VOPP1: variants seen among roughly 807,000 people sequenced by gnomAD.
The protein encoded by VOPP1 is WW domain binding protein VOPP1.
VOPP1 carries 8 observed loss-of-function variants against 23.5 expected under a neutral mutation model. The ratio of observed to expected loss-of-function variants is 0.34; its 90% CI spans 0.20 to 0.61. VOPP1 has a LOEUF of 0.61. VOPP1 is among the 20% of genes least tolerant of loss of function. The pLI is 0.78. For synonymous variants in VOPP1, 83 were observed against 97.3 expected (o/e 0.85, Z 0.86); for missense variants, 174 against 238.1 (o/e 0.73, Z 1.77).
chr7:55,489,717 G>A lies in VOPP1; in HGVS notation c.328+2565C>T, dbSNP rs180933674. 1.5e-4 allele frequency among the ~76,000 whole-genome samples: 23 copies of A among 152,252 alleles called. No individual in the cohort carries two copies. In the East Asian group the frequency reaches 3.3e-3, roughly 22 times the overall value. Reference sequence around the variant, plus strand: ...TGTGACTGTAGTTGTGATGTATTCCGACCCTGGTTTACCAGGCTGCAAACC... The same window carrying A: ...TGTGACTGTAGTTGTGATGTATTCCAACCCTGGTTTACCAGGCTGCAAACC... On this transcript the variant is annotated intron_variant, in intron 4 of 4. Coordinates refer to ENST00000285279, the MANE Select transcript of VOPP1 (RefSeq NM_030796.5).
intron 2 of VOPP1, among the ~76,000 whole-genome samples, chr7:55,508,261 C>T (rs764516239): frequency 7.2e-5 from 11 of 152,070 alleles, no homozygotes; most frequent in Non-Finnish European, 1.2e-4. Context: ...TTGGTAACTA[C>T]GGAGTTTTTT....
chr7:55,469,817 T>C (rs1791729825), downstream of VOPP1, among the ~76,000 whole-genome samples: 1 of 152,202 alleles, frequency 6.6e-6, no homozygotes, highest in Non-Finnish European at 1.5e-5. Context: ...CTCCCAGGGA[T>C]GGACACAGTT....
intron 1 of VOPP1, among the ~76,000 whole-genome samples, chr7:55,534,535 T>C (rs1796671711): frequency 1.3e-5 from 2 of 152,204 alleles, no homozygotes; most frequent in South Asian, 4.1e-4. Context: ...GGTTTCTGCT[T>C]TTGAGCTCGC....
rs1422410711 is a variant in VOPP1, at chr7:55,484,005, C to T, written c.328+8277G>A. Among the ~76,000 whole-genome samples, 3 of 152,304 alleles carry T rather than the reference C, an allele frequency of 2.0e-5. No individual in the cohort carries two copies. The East Asian group carries it at 5.8e-4, about 29-fold the overall frequency. On this transcript the variant is annotated intron_variant, in intron 4 of 4. Coordinates refer to ENST00000285279, the MANE Select transcript of VOPP1 (RefSeq NM_030796.5). ...CTCCTGACCTCAGGTGATCCACCTG[C>T]CTCAGCCTCCCCAAAGTGCTGGGAT...
intron 1 of VOPP1, among the ~76,000 whole-genome samples, chr7:55,534,603 C>T (rs978323903): frequency 1.3e-5 from 2 of 152,230 alleles, no homozygotes; most frequent in African/African-American, 4.8e-5. Flanking sequence ...CTGTCAACAG[C>T]CACTCCTCCC....
chr7:55,473,404 C>A lies in VOPP1; in HGVS notation c.329-359G>T, dbSNP rs149263235. Reference sequence around the variant, plus strand: ...GCCTGGCATTATCGCAGGAGCTCCACAACCCCTCTGGGCACGCCATTGGCT... The same window carrying A: ...GCCTGGCATTATCGCAGGAGCTCCAAAACCCCTCTGGGCACGCCATTGGCT... On this transcript the variant is annotated intron_variant, in intron 4 of 4. Transcript: ENST00000285279. 6.4e-3 allele frequency among the ~76,000 whole-genome samples: 981 copies of A among 152,330 alleles called. 13 individuals are homozygous for A. Among genetic ancestry groups the A allele is most frequent in the African/African-American group, 0.021 (867 of 41,576 alleles).
At chr7:55,488,482 C>A (rs1277398664) in intron 4 of VOPP1, among the ~76,000 whole-genome samples, 5 of 152,258 alleles carry the variant, frequency 3.3e-5, no homozygotes, top group Admixed American at 3.3e-4. Context: ...ACTTTGCCAG[C>A]CCCTTTCCAC....
chr7:55,538,878 TG>T (rs1278236261), intron 1 of VOPP1, among the ~76,000 whole-genome samples: 1 of 151,230 alleles, frequency 6.6e-6, no homozygotes, highest in East Asian at 1.9e-4. Context: ...ATCCCATCTG[TG>T]TACTTTTAAC....
chr7:55,457,995 T>G (rs1302039874), intron 4 of VOPP1, among the ~76,000 whole-genome samples: 1 of 152,088 alleles, frequency 6.6e-6, no homozygotes, highest in Non-Finnish European at 1.5e-5. Context: ...AGCCACAAAA[T>G]TTTTGCCTTG....
At position 55,539,270 on chromosome 7, in the gene VOPP1, G is replaced by A. The variant is rs190851642; in HGVS notation, c.55-18140C>T. On this transcript the variant is annotated intron_variant, in intron 1 of 4. Coordinates refer to ENST00000285279, the MANE Select transcript of VOPP1 (RefSeq NM_030796.5). ...TGAGGCAGGAGAATCGCTTGGACCCGGGAGGCGGAGGTTGCAGTGAGCTAA... is the reference window on the plus strand; with the variant it reads ...TGAGGCAGGAGAATCGCTTGGACCCAGGAGGCGGAGGTTGCAGTGAGCTAA... 3.6e-3 allele frequency among the ~76,000 whole-genome samples: 543 copies of A among 152,224 alleles called. 2 individuals carry two copies. The highest frequency in any genetic ancestry group is 0.024 in the Middle Eastern group (7 of 294).
chr7:55,512,133 G>A (rs955461177), intron 2 of VOPP1, among the ~76,000 whole-genome samples: 1 of 152,186 alleles, frequency 6.6e-6, no homozygotes, highest in African/African-American at 2.4e-5. Context: ...ACAGTTAAAA[G>A]GAATCAAGCT....
At chr7:55,561,464 T>A (rs1257894180) in intron 1 of VOPP1, among the ~76,000 whole-genome samples, 1 of 151,876 alleles carries the variant, frequency 6.6e-6, no homozygotes, top group Non-Finnish European at 1.5e-5. Context: ...TAGTCCCAGC[T>A]CTCTGGGAGG....
At chr7:55,565,147 T>C (rs1289700169) in intron 1 of VOPP1, among the ~76,000 whole-genome samples, 1 of 152,206 alleles carries the variant, frequency 6.6e-6, no homozygotes, top group African/African-American at 2.4e-5. Flanking sequence ...TCTTTAACCC[T>C]GACAAGGGAA....
chr7:55,549,162 T>C (rs1294572199), intron 1 of VOPP1, among the ~76,000 whole-genome samples: 2 of 152,182 alleles, frequency 1.3e-5, no homozygotes, highest in African/African-American at 2.4e-5. Flanking sequence ...TGCGCCTAAA[T>C]TACCTAAAGG....
chr7:55,462,857 C>T (rs1791538445), intron 4 of VOPP1, among the ~76,000 whole-genome samples: 1 of 148,312 alleles, frequency 6.7e-6, no homozygotes, highest in African/African-American at 2.4e-5. Context: ...GGGGTTTCAC[C>T]GTTTTAGCCG....
chr7:55,513,482 A>G lies in VOPP1; in HGVS notation c.113+7590T>C, dbSNP rs926470552. On this transcript the variant is annotated intron_variant, in intron 2 of 4. Transcript: ENST00000285279. The stretch of plus-strand genomic sequence containing the variant: ...GTTGACTTCCGAGAAGCTTCCCCAC[A>G]TTCTTTCCTTCAGTGGTACCTAGAT... 9.2e-5 allele frequency among the ~76,000 whole-genome samples: 14 copies of G among 152,266 alleles called. No homozygotes were observed. In the East Asian group the frequency reaches 2.3e-3, roughly 25 times the overall value.
chr7:55,565,068 CTGTACTTCCTGAAATTTTAT>C, intron 1 of VOPP1, among the ~76,000 whole-genome samples: 1 of 152,182 alleles, frequency 6.6e-6, no homozygotes, highest in Non-Finnish European at 1.5e-5. Context: ...AAGTATATAG[CTGTACTTCCTGAAATTTTAT>C]ATATATATGT....
intron 1 of VOPP1, among the ~76,000 whole-genome samples, chr7:55,527,781 G>T (rs917178918): frequency 7.9e-5 from 12 of 152,118 alleles, no homozygotes; most frequent in African/African-American, 1.7e-4. Flanking sequence ...AAAATAAAGT[G>T]ATAGATATGA....
chr7:55,532,442 A>G (rs1796549172), intron 1 of VOPP1, among the ~76,000 whole-genome samples: 1 of 152,254 alleles, frequency 6.6e-6, no homozygotes, highest in South Asian at 2.1e-4. Context: ...AAGTCGTTAC[A>G]TTGTGTGCTG....
Sources: gnomAD v4.1 joint callset for allele counts (sites outside exome capture counted in the v4.1 genomes callset) on GRCh38, gnomAD v4.1.1 for gene constraint, MANE v1.5 for transcripts, NCBI Gene and HGNC (gene_info 2026-07-23, HGNC 2026-07-21) for gene names.